The following WDR7 variants were observed in gnomAD, a reference collection of about 807,000 sequenced individuals.
The protein encoded by WDR7 is WD repeat-containing protein 7.
In WDR7, 46 loss-of-function variants were observed where a neutral mutation model predicts 169.4. The ratio of observed to expected loss-of-function variants is 0.27; its 90% CI spans 0.21 to 0.35. WDR7 has a LOEUF of 0.35. WDR7 is among the 10% of genes least tolerant of loss of function. The probability of loss-of-function intolerance (pLI) is 1.00; values close to 1 mark genes in which losing one functional copy is unlikely to be tolerated. For synonymous variants in WDR7, 612 were observed against 666.8 expected, an observed-to-expected ratio of 0.92 and a Z score of 1.27; for missense variants, 1,534 against 1,859.3, an observed-to-expected ratio of 0.83 and a Z score of 3.22.
intron 21 of WDR7, among the ~76,000 whole-genome samples, chr18:56,920,261 T>C (rs2046695996): frequency 6.6e-6 from 1 of 152,168 alleles, no homozygotes; most frequent in Non-Finnish European, 1.5e-5. Context: ...GGCATAAAGA[T>C]CACCTTCCCC....
intron 20 of WDR7, among the ~76,000 whole-genome samples, chr18:56,838,107 A>G (rs912009662): frequency 1.3e-4 from 20 of 152,184 alleles, no homozygotes; most frequent in Admixed American, 2.6e-4. Flanking sequence ...CAACAAAAGC[A>G]CTGCATTATG....
At chr18:56,738,600 A>G (rs1450221162) in intron 14 of WDR7, among the ~76,000 whole-genome samples, 2 of 152,158 alleles carry the variant, frequency 1.3e-5, no homozygotes, top group Non-Finnish European at 2.9e-5. Context: ...CTCTCACATG[A>G]TAACAGAGAT....
Position 56,757,083 on chromosome 18 carries a change from C to T in WDR7, c.2490C>T (p.His830=). Residue 830 remains histidine, a synonymous_variant, in exon 15 of 28, where the codon CAC becomes CAT. Coordinates refer to ENST00000254442, the MANE Select transcript of WDR7 (RefSeq NM_015285.3). ...CLDRLGMLKP[H]CTVSFGLLSR... The stretch of plus-strand genomic sequence containing the variant: ...ATCGCCTTGGAATGCTGAAACCCCA[C>T]TGCACCGTATCGTTTGGCCTCTTGT... The T allele has an allele frequency of 6.2e-7, 1 of 1,614,178 alleles. No individual in the cohort carries two copies. Among genetic ancestry groups the T allele is most frequent in the Non-Finnish European group, 8.5e-7 (1 of 1,180,032 alleles).
intron 15 of WDR7, 26 bp from the exon 16 acceptor site, chr18:56,758,839 C>T: frequency 6.4e-7 from 1 of 1,550,486 alleles, no homozygotes; most frequent in Non-Finnish European, 8.8e-7. Context: ...CAAAATATAT[C>T]TTGTATTTTT....
At chr18:56,812,961 A>G (rs1402028429) in intron 19 of WDR7, among the ~76,000 whole-genome samples, 1 of 146,286 alleles carries the variant, frequency 6.8e-6, no homozygotes, top group Non-Finnish European at 1.5e-5. Context: ...ACACTTAATC[A>G]TAGGTGGGAA....
chr18:56,817,238 G>A (rs1424341669), intron 20 of WDR7, among the ~76,000 whole-genome samples: 7 of 151,768 alleles, frequency 4.6e-5, no homozygotes, highest in East Asian at 1.9e-4. Flanking sequence ...CCAGCTACTC[G>A]GGAGGCTGAG....
intron 26 of WDR7, among the ~76,000 whole-genome samples, chr18:57,007,817 A>G (rs2145906602): frequency 6.6e-6 from 1 of 152,060 alleles, no homozygotes; most frequent in East Asian, 1.9e-4. Flanking sequence ...TTTTATCCTC[A>G]TCCTTTTGGT....
intron 20 of WDR7, among the ~76,000 whole-genome samples, chr18:56,824,610 C>T (rs368604234): frequency 6.6e-5 from 10 of 152,162 alleles, no homozygotes; most frequent in African/African-American, 2.4e-4. Context: ...CCTCCCTGCC[C>T]ATCTTCTTAG....
chr18:57,017,952 C>T (rs2048230437), intron 26 of WDR7, among the ~76,000 whole-genome samples: 1 of 152,186 alleles, frequency 6.6e-6, no homozygotes, highest in Non-Finnish European at 1.5e-5. Flanking sequence ...ATTTAGAGAA[C>T]ACTGTTCTGA....
At chr18:56,759,916 G>A (rs899005983) in intron 16 of WDR7, among the ~76,000 whole-genome samples, 1 of 152,032 alleles carries the variant, frequency 6.6e-6, no homozygotes, top group African/African-American at 2.4e-5. Flanking sequence ...TCCTTAAATG[G>A]TGTGCTTGAT....
At chr18:56,811,515 A>T (rs1295493264) in intron 19 of WDR7, among the ~76,000 whole-genome samples, 2 of 151,852 alleles carry the variant, frequency 1.3e-5, no homozygotes, top group Admixed American at 1.3e-4. Context: ...CACTTTGCCA[A>T]TTTTTTCTTT....
Position 56,757,036 on chromosome 18 carries a change from G to A in WDR7, c.2443G>A (p.Val815Ile), listed in dbSNP as rs150424266. The A allele has an allele frequency of 4.3e-5, 69 of 1,614,136 alleles. No homozygotes were observed. In the African/African-American group the frequency reaches 8.3e-4, roughly 19 times the overall value. ...SCLHAWGLNE[V>I]LDEVCLDRLG... is the part of the protein sequence containing the mutation. ...CCTTCACGCCTGGGGTTTGAATGAA[G>A]TACTGGATGAAGTTTGCCTGGATCG... Residue 815 changes from valine to isoleucine, a missense_variant, in exon 15 of 28, where the codon GTA (valine) becomes ATA (isoleucine). Val to Ile is a conservative substitution (Grantham distance 29, BLOSUM62 3). Coordinates refer to ENST00000254442, the MANE Select transcript of WDR7 (RefSeq NM_015285.3).
At chr18:56,821,671 G>A (rs2045099738) in intron 20 of WDR7, among the ~76,000 whole-genome samples, 1 of 148,122 alleles carries the variant, frequency 6.8e-6, no homozygotes, top group African/African-American at 2.5e-5. Context: ...TTGACATGTG[G>A]TCTCTGTTGC....
chr18:57,029,995 C>T (rs1376526754), downstream of WDR7: 1 of 152,206 alleles, frequency 6.6e-6, no homozygotes, highest in East Asian at 1.9e-4. Context: ...CACTGGCACT[C>T]TCTGTGGTTT....
Position 56,982,260 on chromosome 18 carries a change from G to A in WDR7, c.4164+19731G>A, listed in dbSNP as rs79398497. ...CTTTAAAATTTGGTGGATTTCAAAGGCACCCAGCTTCTGAATATTCTTAAA... is the reference window on the plus strand; with the variant it reads ...CTTTAAAATTTGGTGGATTTCAAAGACACCCAGCTTCTGAATATTCTTAAA... On this transcript the variant is annotated intron_variant, in intron 26 of 27. Coordinates refer to ENST00000254442, the MANE Select transcript of WDR7 (RefSeq NM_015285.3). 5.3e-3 allele frequency among the ~76,000 whole-genome samples: 812 copies of A among 152,250 alleles called. 6 individuals carry two copies. The highest frequency in any genetic ancestry group is 0.019 in the African/African-American group (774 of 41,528).
chr18:56,657,559 A>G (rs1321799403), intron 1 of WDR7, among the ~76,000 whole-genome samples: 22 of 152,252 alleles, frequency 1.4e-4, no homozygotes, highest in Admixed American at 1.3e-3. Context: ...GCCATTGATC[A>G]TAGGCAAAAT....
intron 21 of WDR7, among the ~76,000 whole-genome samples, chr18:56,911,780 A>T (rs1476235211): frequency 6.6e-6 from 1 of 152,210 alleles, no homozygotes; most frequent in Non-Finnish European, 1.5e-5. Context: ...TAGCTTACTT[A>T]ATTAGCTTAT....
chr18:56,983,925 TC>T (rs1429727912), intron 26 of WDR7, among the ~76,000 whole-genome samples: 2 of 152,182 alleles, frequency 1.3e-5, no homozygotes, highest in African/African-American at 2.4e-5. Context: ...TGCAGTTTTT[TC>T]TTTTTTCATT....
intron 22 of WDR7, among the ~76,000 whole-genome samples, chr18:56,931,603 A>G (rs926133967): frequency 6.6e-6 from 1 of 152,142 alleles, no homozygotes; most frequent in African/African-American, 2.4e-5. Context: ...AAATCTGTGC[A>G]GAGTTCATAA....
Sources: gnomAD v4.1 joint callset for allele counts (sites outside exome capture counted in the v4.1 genomes callset) on GRCh38, gnomAD v4.1.1 for gene constraint, MANE v1.5 for transcripts, NCBI Gene and HGNC (gene_info 2026-07-23, HGNC 2026-07-21) for gene names.